The following MYSM1 variants were observed in gnomAD, a reference collection of about 807,000 sequenced individuals.
MYSM1 encodes the protein Myb like, SWIRM and MPN domains 1, also known as deubiquitinase MYSM1.
A neutral mutation model predicts 116.0 loss-of-function variants in MYSM1; 51 were observed. That is an observed-to-expected ratio of 0.44 (90% CI 0.35 to 0.56). The LOEUF (loss-of-function observed/expected upper bound fraction) is 0.56. MYSM1 is among the 20% of genes least tolerant of loss of function. MYSM1 has a pLI of 0.00. For missense variants in MYSM1, 900 were observed against 974.9 expected, an observed-to-expected ratio of 0.92 and a Z score of 1.02; for synonymous variants, 313 against 315.2, an observed-to-expected ratio of 0.99 and a Z score of 0.07.
At chr1:58,681,708 A>C in intron 8 of MYSM1, 77 bp downstream of exon 8, 1 of 1,370,192 alleles carries the variant, frequency 7.3e-7, no homozygotes. Context: ...CAAAATTCTA[A>C]ATTCTGTATA....
At chr1:58,664,134 C>G (rs1644433994) in intron 17 of MYSM1, among the ~76,000 whole-genome samples, 1 of 152,060 alleles carries the variant, frequency 6.6e-6, no homozygotes, top group Non-Finnish European at 1.5e-5. Context: ...ACACGTACTG[C>G]TATTGTACTG....
Position 58,681,936 on chromosome 1 carries a change from C to T in MYSM1, c.1108G>A (p.Glu370Lys), listed in dbSNP as rs774036757. The T allele has an allele frequency of 3.1e-6, 5 of 1,614,084 alleles. No individual in the cohort carries two copies. In the South Asian group the frequency reaches 5.5e-5, roughly 18 times the overall value. Residue 370 changes from glutamate to lysine, a missense_variant, in exon 8 of 20, where the codon GAA becomes AAA. Glu to Lys is a moderately conservative substitution (Grantham distance 56). Coordinates refer to ENST00000472487, the MANE Select transcript of MYSM1 (RefSeq NM_001085487.3). ...CQMVEESHEE[E>K]ELKPPEQEIE... ...TCCTGTTCTGGTGGCTTAAGCTCTT[C>T]TTCCTCATGGCTTTCCTCTACCATT... is the stretch of plus-strand genomic sequence containing the variant.
chr1:58,681,636 G>T, intron 8 of MYSM1, 149 bp downstream of exon 8: 1 of 817,224 alleles, frequency 1.2e-6, no homozygotes, highest in Non-Finnish European at 1.8e-6. Context: ...GTTTACCAAA[G>T]CTTTTTTTCA....
chr1:58,673,923 A>G (rs969528620), intron 10 of MYSM1, among the ~76,000 whole-genome samples: 1 of 152,190 alleles, frequency 6.6e-6, no homozygotes, highest in African/African-American at 2.4e-5. Context: ...TTGGCACCAG[A>G]GGGCTATTTA....
intron 8 of MYSM1, 104 bp downstream of exon 8, chr1:58,681,681 A>G: frequency 8.8e-7 from 1 of 1,132,082 alleles, no homozygotes; most frequent in Non-Finnish European, 1.2e-6. Flanking sequence ...TACTGTAGTG[A>G]TCTCTAGATT....
intron 19 of MYSM1, 67 bp from the exon 20 acceptor site, chr1:58,660,222 A>G (rs12092264): frequency 0.39 from 390,482 of 1,005,032 alleles, 77,862 homozygotes; most frequent in Non-Finnish European, 0.41. Context: ...TACTATCACT[A>G]TTTCGTCCCT....
intron 7 of MYSM1, 120 bp downstream of exon 7, chr1:58,685,033 G>T: frequency 1.4e-6 from 1 of 715,238 alleles, no homozygotes; most frequent in Non-Finnish European, 2.2e-6. Context: ...TACTATGTGG[G>T]TATAAAATAC....
At position 58,660,111 on chromosome 1, in the gene MYSM1, G is replaced by C. The variant is rs964181993; in HGVS notation, c.2373C>G (p.Cys791Trp). The change falls in exon 20 of 20, where the codon TGC becomes TGG. Residue 791 changes from cysteine to tryptophan, a missense_variant. By Grantham distance (215) the Cys-to-Trp change is radical. This residue lies in a region of MYSM1 where 186 missense variants were observed against 196.2 expected (regional missense o/e 0.95). Transcript: ENST00000472487. ...CAGTCAAGAATTCTTCAGCCATAAA[G>C]CAATTGGTCACTTTGCTCAGAGTCT... ...MRKTLSKVTNCFMAEEFLTEI... is the reference protein window; with the variant it reads ...MRKTLSKVTNWFMAEEFLTEI... The C allele has an allele frequency of 2.5e-6, 4 of 1,609,012 alleles. No individual in the cohort carries two copies. Among genetic ancestry groups the C allele is most frequent in the Non-Finnish European group, 3.4e-6 (4 of 1,177,784 alleles).
intron 8 of MYSM1, among the ~76,000 whole-genome samples, chr1:58,681,508 T>A (rs1019481881): frequency 6.6e-6 from 1 of 152,184 alleles, no homozygotes; most frequent in Admixed American, 6.5e-5. Flanking sequence ...TCTCTCTATA[T>A]CTTCCTAACG....
rs1198611827 is a variant in MYSM1 at position 58,656,922 on chromosome 1, T to C, written c.*3075A>G. ...ATACATTCATTTCATACAGATACAA[T>C]TGTAAAATATCACTTTTAATTTTGT... On this transcript the variant is annotated 3_prime_UTR_variant, in exon 20 of 20. Coordinates refer to ENST00000472487, the MANE Select transcript of MYSM1 (RefSeq NM_001085487.3). 1 of 152,160 alleles carries C rather than the reference T, an allele frequency of 6.6e-6. No individual in the cohort carries two copies. The highest frequency in any genetic ancestry group is 2.4e-5 in the African/African-American group (1 of 41,430). 9.4% of individuals were successfully genotyped at this position (152,160 alleles called of 1,614,324 possible).
chr1:58,662,677 A>C (rs1372673161), intron 17 of MYSM1, among the ~76,000 whole-genome samples: 1 of 152,122 alleles, frequency 6.6e-6, no homozygotes, highest in Admixed American at 6.6e-5. Flanking sequence ...AAAGGGGAAA[A>C]ATACAATTAT....
intron 12 of MYSM1, among the ~76,000 whole-genome samples, chr1:58,670,059 G>A (rs1644537716): frequency 6.6e-6 from 1 of 152,146 alleles, no homozygotes; most frequent in Non-Finnish European, 1.5e-5. Flanking sequence ...CTGGAAGAGA[G>A]CAGGGCAATT....
intron 1 of MYSM1, among the ~76,000 whole-genome samples, chr1:58,699,173 A>G (rs534721499): frequency 6.6e-6 from 1 of 152,304 alleles, no homozygotes; most frequent in South Asian, 2.1e-4. Flanking sequence ...CAAGGAGTCA[A>G]AGGAGGTTCT....
At position 58,660,148 on chromosome 1, in the gene MYSM1, T is replaced by C; in HGVS notation, c.2336A>G (p.Glu779Gly). Reference protein sequence around the residue: ...SDLTCLQKLLECMRKTLSKVT... With the variant: ...SDLTCLQKLLGCMRKTLSKVT... ...TTTGCTCAGAGTCTTCCTCATACAC[T>C]CCAAAAGCTAGTTGAAAAGAAAAGT... Residue 779 changes from glutamate (E) to glycine (G), a missense_variant, in exon 20 of 20, where the codon GAG (glutamate) becomes GGG (glycine). Around this residue, in one of 3 missense-constraint regions of MYSM1, gnomAD observed 186 missense variants for 196.2 expected, o/e 0.95. Coordinates refer to ENST00000472487, the MANE Select transcript of MYSM1 (RefSeq NM_001085487.3). 4 of 1,556,628 alleles carry C rather than the reference T, an allele frequency of 2.6e-6. No homozygotes were observed. In the East Asian group the frequency reaches 9.1e-5, roughly 35 times the overall value.
intron 9 of MYSM1, chr1:58,676,627 G>T: frequency 4.7e-6 from 1 of 211,106 alleles, no homozygotes. Flanking sequence ...GCTATTATTA[G>T]ACTTTTCATA....
intron 12 of MYSM1, among the ~76,000 whole-genome samples, chr1:58,670,614 T>C (rs1644546081): frequency 6.6e-6 from 1 of 152,202 alleles, no homozygotes; most frequent in African/African-American, 2.4e-5. Context: ...TTAAATATAT[T>C]TTATCTGAAA....
At chr1:58,674,036 T>G (rs1309034228) in intron 10 of MYSM1, among the ~76,000 whole-genome samples, 2 of 152,206 alleles carry the variant, frequency 1.3e-5, no homozygotes, top group Non-Finnish European at 1.5e-5. Flanking sequence ...GACAAAATTT[T>G]GGGTTTTTTT....
chr1:58,676,359 T>G (rs1395956475), intron 9 of MYSM1, among the ~76,000 whole-genome samples: 3 of 142,362 alleles, frequency 2.1e-5, no homozygotes, highest in African/African-American at 7.9e-5. Context: ...GAAGTTGCAG[T>G]GAGCAGAGAT....
rs117640459 is a variant in MYSM1 at position 58,697,024 on chromosome 1, G to T, written c.69-1817C>A. ...AGACGAGGAGCAGTTAAGAGGGAGA[G>T]ATTTTAAAAATACTAGAGAAAGGTG... On this transcript the variant is annotated intron_variant, in intron 1 of 19. Coordinates refer to ENST00000472487, the MANE Select transcript of MYSM1 (RefSeq NM_001085487.3). Among the ~76,000 whole-genome samples the T allele has an allele frequency of 6.2e-3, 938 of 152,234 alleles. 3 individuals are homozygous for T. The highest frequency in any genetic ancestry group is 0.019 in the East Asian group (101 of 5,188).
Sources: allele counts gnomAD v4.1 joint callset (sites outside exome capture counted in the v4.1 genomes callset), GRCh38; gene constraint gnomAD v4.1.1; regional missense constraint gnomAD v4.1.1; transcripts MANE v1.5; gene names NCBI Gene and HGNC (gene_info 2026-07-23, HGNC 2026-07-21).